The following TTF2 variants were observed in gnomAD, a reference collection of about 807,000 sequenced individuals.
The protein encoded by TTF2 is RNA polymerase II termination factor.
Under a neutral mutation model 142.4 loss-of-function variants are expected in TTF2, and 108 were observed. The ratio of observed to expected loss-of-function variants is 0.76; its 90% CI spans 0.65 to 0.89. TTF2 has a LOEUF of 0.89. TTF2 is among the 40% of genes least tolerant of loss of function. The pLI is 0.00. For synonymous variants in TTF2, 483 were observed against 506.2 expected, an observed-to-expected ratio of 0.95 and a Z score of 0.61; for missense variants, 1,327 against 1,379.8, an observed-to-expected ratio of 0.96 and a Z score of 0.61.
In TTF2 at chr1:117,106,124, C is replaced by G. The variant is rs1649915295; in HGVS notation, c.*4600C>G. 6.6e-6 allele frequency: 1 copy of G among 152,168 alleles called. No homozygotes were observed. The highest frequency in any genetic ancestry group is 2.1e-4 in the South Asian group (1 of 4,822). The allele number at this position is 152,168 out of a possible 1,614,324, so 9.4% of individuals were successfully genotyped here. On this transcript the variant is annotated 3_prime_UTR_variant, in exon 23 of 23. Transcript: ENST00000369466. ...GGGCAGGAACAATTTAAAAGCACATCTGTAGGCACAAAGAGAATTATAATA... is the reference window on the plus strand; with the variant it reads ...GGGCAGGAACAATTTAAAAGCACATGTGTAGGCACAAAGAGAATTATAATA...
In TTF2 at chr1:117,093,047, C is replaced by T. The variant is rs1031706713; in HGVS notation, c.2976+146C>T. The T allele has an allele frequency of 8.9e-6, 8 of 898,730 alleles. No individual in the cohort carries two copies. In the African/African-American group the frequency reaches 1.3e-4, roughly 15 times the overall value. The allele number at this position is 898,730 out of a possible 1,614,324, so 55.7% of individuals were successfully genotyped here. A position where few individuals can be genotyped will look rare whatever the true frequency, so the allele number is the denominator to read the frequency against. On this transcript the variant is annotated intron_variant, in intron 18 of 22. Coordinates refer to ENST00000369466, the MANE Select transcript of TTF2 (RefSeq NM_003594.4). This position sits in a 1 kb window ranked among gnomAD's most constrained non-coding sequence, Gnocchi z 4.5. ...AATTCTAGCTGATCAGATTCTCCCT[C>T]CAGTCTTAAAGCTTCATTTATTTCA...
At chr1:117,094,788 C>T (rs78469437) in intron 18 of TTF2, 6,798 of 387,674 alleles carry the variant, frequency 0.018, 425 homozygotes, top group African/African-American at 0.13. Flanking sequence ...AATTAATATA[C>T]AGTATGACAA....
chr1:117,064,830 T>TC (rs575982808), intron 3 of TTF2, among the ~76,000 whole-genome samples: 1 of 149,708 alleles, frequency 6.7e-6, no homozygotes, highest in Non-Finnish European at 1.5e-5. Context: ...GTTTTTTTTT[T>TC]TTCTTCTTCT....
rs1457110462 is a variant in TTF2 at position 117,098,863 on chromosome 1, C to T, written c.3300C>T (p.Asp1100=). Reference sequence around the variant, plus strand: ...CATCACTTGAAGATCAAGCTTGTGACCGAATTTACCGAGTAGGGCAGCAGA... The same window carrying T: ...CATCACTTGAAGATCAAGCTTGTGATCGAATTTACCGAGTAGGGCAGCAGA... The part of the protein sequence containing the change: ...WNPSLEDQAC[D]RIYRVGQQKD... Residue 1100 remains aspartate (D), a synonymous_variant, in exon 22 of 23, where the codon GAC becomes GAT. Coordinates refer to ENST00000369466, the MANE Select transcript of TTF2 (RefSeq NM_003594.4). 1.2e-6 allele frequency: 2 copies of T among 1,612,044 alleles called. No individual in the cohort carries two copies. The highest frequency in any genetic ancestry group is 1.1e-5 in the South Asian group (1 of 90,770).
Position 117,079,709 on chromosome 1 carries a change from G to T in TTF2, c.1783+60G>T. On this transcript the variant is annotated intron_variant, in intron 9 of 22. Coordinates refer to ENST00000369466, the MANE Select transcript of TTF2 (RefSeq NM_003594.4). The surrounding 1 kb of genome is among the most constrained non-coding windows in gnomAD (Gnocchi z 4.2). ...AATGCTTAGGCATTGTGCTAAACACGTAGTGTTGTTTCATTTATTCCTCTC... is the reference window on the plus strand; with the variant it reads ...AATGCTTAGGCATTGTGCTAAACACTTAGTGTTGTTTCATTTATTCCTCTC... 1 of 1,483,522 alleles carries T rather than the reference G, an allele frequency of 6.7e-7. No individual in the cohort carries two copies. The highest frequency in any genetic ancestry group is 1.1e-5 in the South Asian group (1 of 88,526). 91.9% of individuals were successfully genotyped at this position (1,483,522 alleles called of 1,614,324 possible). A position where few individuals can be genotyped will look rare whatever the true frequency, so the allele number is the denominator to read the frequency against.
chr1:117,095,897 C>CTT lies in TTF2; in HGVS notation c.3036-250_3036-249dup, dbSNP rs1393623421. The stretch of plus-strand genomic sequence containing the variant: ...AAATGAAAGAAGGCTGGAGTCATCA[C>CTT]TTTACTCTAGCTACCATTTTTTTCT... On this transcript the variant is annotated intron_variant, in intron 19 of 22. Transcript: ENST00000369466. 2.0e-5 allele frequency among the ~76,000 whole-genome samples: 3 copies of CTT among 152,092 alleles called. No homozygotes were observed. The East Asian group carries it at 5.8e-4, about 29-fold the overall frequency.
chr1:117,093,029 G>C lies in TTF2; in HGVS notation c.2976+128G>C. The stretch of plus-strand genomic sequence containing the variant: ...GCAGAGCTAGAGCCGTTAAATTCTA[G>C]CTGATCAGATTCTCCCTCCAGTCTT... On this transcript the variant is annotated intron_variant, in intron 18 of 22. Transcript: ENST00000369466. This position sits in a 1 kb window ranked among gnomAD's most constrained non-coding sequence, Gnocchi z 4.5. 9.5e-7 allele frequency: 1 copy of C among 1,048,070 alleles called. No homozygotes were observed. The highest frequency in any genetic ancestry group is 1.6e-5 in the South Asian group (1 of 63,268). The allele number at this position is 1,048,070 out of a possible 1,614,324, so 64.9% of individuals were successfully genotyped here.
rs761654092 is a variant in TTF2, at chr1:117,073,616, A to G, written c.219-45A>G. The G allele has an allele frequency of 1.3e-6, 2 of 1,550,750 alleles. No individual in the cohort carries two copies. Among genetic ancestry groups the G allele is most frequent in the African/African-American group, 2.7e-5 (2 of 73,692 alleles). On this transcript the variant is annotated intron_variant, in intron 3 of 22. Coordinates refer to ENST00000369466, the MANE Select transcript of TTF2 (RefSeq NM_003594.4). The surrounding 1 kb of genome is among the most constrained non-coding windows in gnomAD (Gnocchi z 4.4). ...AAAAATAAGCTTATCTCTTGTTCTA[A>G]TGGATTTTCATAGCCTTGATTATTT...
In TTF2 at chr1:117,106,653, G is replaced by A. The variant is rs1009746417; in HGVS notation, c.*5129G>A. On this transcript the variant is annotated 3_prime_UTR_variant, in exon 23 of 23. Coordinates refer to ENST00000369466, the MANE Select transcript of TTF2 (RefSeq NM_003594.4). Reference sequence around the variant, plus strand: ...TGAGTGCTACAAGAGAGGACTGTGCGGCTGGGAGGGCTTATAACAGGATTT... The same window carrying A: ...TGAGTGCTACAAGAGAGGACTGTGCAGCTGGGAGGGCTTATAACAGGATTT... 3 of 152,248 alleles carry A rather than the reference G, an allele frequency of 2.0e-5. No individual in the cohort carries two copies. Among genetic ancestry groups the A allele is most frequent in the Non-Finnish European group, 4.4e-5 (3 of 68,074 alleles). 9.4% of individuals were successfully genotyped at this position (152,248 alleles called of 1,614,324 possible).
At position 117,076,435 on chromosome 1, in the gene TTF2, C is replaced by G; in HGVS notation, c.1390+141C>G. Reference sequence around the variant, plus strand: ...CTTCTGAGACTTCTTTCACATTACACCTATGGTTCATAAAAAACTTTCTCC... The same window carrying G: ...CTTCTGAGACTTCTTTCACATTACAGCTATGGTTCATAAAAAACTTTCTCC... On this transcript the variant is annotated intron_variant, in intron 6 of 22. Transcript: ENST00000369466. The surrounding 1 kb of genome is among the most constrained non-coding windows in gnomAD (Gnocchi z 4.6). The G allele has an allele frequency of 1.1e-6, 1 of 897,108 alleles. No homozygotes were observed. The highest frequency in any genetic ancestry group is 1.7e-6 in the Non-Finnish European group (1 of 594,098). 55.6% of individuals were successfully genotyped at this position (897,108 alleles called of 1,614,324 possible). A position where few individuals can be genotyped will look rare whatever the true frequency, so the allele number is the denominator to read the frequency against.
Position 117,091,425 on chromosome 1 carries a change from T to A in TTF2, c.2671+15T>A, listed in dbSNP as rs750041442. The A allele has an allele frequency of 6.2e-7, 1 of 1,601,264 alleles. No individual in the cohort carries two copies. The highest frequency in any genetic ancestry group is 1.1e-5 in the South Asian group (1 of 88,606). On this transcript the variant is annotated intron_variant, in intron 16 of 22. Transcript: ENST00000369466. The stretch of plus-strand genomic sequence containing the variant: ...ATTCAGTAGAGGTAAGCTGTAGGAC[T>A]CTCATAAATACATATGACTGGTGAA...
rs1296286610 is a variant in TTF2 at position 117,088,833 on chromosome 1, G to A, written c.2193G>A (p.Trp731Ter). 6.2e-7 allele frequency: 1 copy of A among 1,613,812 alleles called. No homozygotes were observed. The highest frequency in any genetic ancestry group is 8.5e-7 in the Non-Finnish European group (1 of 1,179,960). ...GTSTPLLRIA[W>*]ARIILDEAHN... ...CAACACCTTTGCTTCGAATAGCCTGGGCTCGAATCATATTGGATGAAGCTC... is the reference window on the plus strand; with the variant it reads ...CAACACCTTTGCTTCGAATAGCCTGAGCTCGAATCATATTGGATGAAGCTC... Residue 731 changes from tryptophan (W) to a stop codon, truncating the protein, a stop_gained, in exon 13 of 23, where the codon TGG becomes TGA. Transcript: ENST00000369466. LOFTEE classifies it high-confidence loss of function.
chr1:117,068,806 G>C (rs1050988837), intron 3 of TTF2, among the ~76,000 whole-genome samples: 1 of 152,156 alleles, frequency 6.6e-6, no homozygotes, highest in Middle Eastern at 3.2e-3. Context: ...ACTGAATAAA[G>C]CCATACTTGT....
In TTF2 at chr1:117,076,755, C is replaced by G. The variant is rs142460316; in HGVS notation, c.1505C>G (p.Pro502Arg). The G allele has an allele frequency of 8.9e-4, 1,437 of 1,614,192 alleles. No homozygotes were observed. The highest frequency in any genetic ancestry group is 1.6e-3 in the Middle Eastern group (10 of 6,062). ...PQPLPRRGTQ[P>R]VGSLELKSAC... ...CCCCTTCCTCGTCGTGGTACCCAAC[C>G]TGTGGGTTCTCTAGAACTAAAGTCT... is the stretch of plus-strand genomic sequence containing the variant. Residue 502 changes from proline to arginine, a missense_variant, in exon 7 of 23, where the codon CCT becomes CGT. Transcript: ENST00000369466. This position sits in a 1 kb window ranked among gnomAD's most constrained non-coding sequence, Gnocchi z 4.6.
rs1285205733 is a variant in TTF2 at position 117,086,477 on chromosome 1, A to T, written c.2115A>T (p.Thr705=). 6.2e-7 allele frequency: 1 copy of T among 1,614,142 alleles called. No homozygotes were observed. Among genetic ancestry groups the T allele is most frequent in the South Asian group, 1.1e-5 (1 of 91,080 alleles). Reference sequence around the variant, plus strand: ...GCCTCGTGGCCAAGGAGATTCCCACAAACAAGCAAGAGGCAGAGATCCCAG... The same window carrying T: ...GCCTCGTGGCCAAGGAGATTCCCACTAACAAGCAAGAGGCAGAGATCCCAG... The part of the protein sequence containing the change: ...TYSLVAKEIP[T]NKQEAEIPGA... The change falls in exon 12 of 23, where the codon ACA becomes ACT. Residue 705 remains threonine (T), a synonymous_variant. Coordinates refer to ENST00000369466, the MANE Select transcript of TTF2 (RefSeq NM_003594.4). This position sits in a 1 kb window ranked among gnomAD's most constrained non-coding sequence, Gnocchi z 4.2.
intron 3 of TTF2, among the ~76,000 whole-genome samples, chr1:117,072,760 T>C (rs938396558): frequency 6.6e-6 from 1 of 152,140 alleles, no homozygotes; most frequent in Non-Finnish European, 1.5e-5. Context: ...TTTGTATGTT[T>C]TAGAGAAGGG....
rs752767690 is a variant in TTF2, at chr1:117,096,260, GGACTT to G, written c.3149_3153del (p.Asp1050GlyfsTer5). The G allele has an allele frequency of 1.9e-6, 3 of 1,614,138 alleles. No individual in the cohort carries two copies. The highest frequency in any genetic ancestry group is 2.5e-6 in the Non-Finnish European group (3 of 1,180,028). The stretch of plus-strand genomic sequence containing the variant: ...GCTCTGTCAATCCCAAGCAGAGAAT[GGACTT>G]GGTAGAGGCATTTAACCACTCCAGA... On this transcript the variant is annotated frameshift_variant, in exon 20 of 23. Transcript: ENST00000369466. LOFTEE classifies it high-confidence loss of function.
In TTF2 at chr1:117,090,437, T is replaced by C; in HGVS notation, c.2497-95T>C. ...AAAGGGTGGAAGCTGCATTCCAGGG[T>C]TGACTAGATATGCAGTGTCAGTATG... On this transcript the variant is annotated intron_variant, in intron 14 of 22. Transcript: ENST00000369466. This position sits in a 1 kb window ranked among gnomAD's most constrained non-coding sequence, Gnocchi z 4.8. The C allele has an allele frequency of 7.9e-7, 1 of 1,259,210 alleles. No homozygotes were observed. The highest frequency in any genetic ancestry group is 1.1e-6 in the Non-Finnish European group (1 of 881,916). 78.0% of individuals were successfully genotyped at this position (1,259,210 alleles called of 1,614,324 possible).
At chr1:117,088,433 A>C (rs1002182143) in intron 12 of TTF2, among the ~76,000 whole-genome samples, 49 of 152,206 alleles carry the variant, frequency 3.2e-4, no homozygotes, top group African/African-American at 1.2e-3. Context: ...GCTGCTCGGG[A>C]GGCTGAGGCA....
Sources: allele counts gnomAD v4.1 joint callset (sites outside exome capture counted in the v4.1 genomes callset), GRCh38; gene constraint gnomAD v4.1.1; non-coding constraint Gnocchi (gnomAD v3.1); transcripts MANE v1.5; gene names NCBI Gene and HGNC (gene_info 2026-07-23, HGNC 2026-07-21).